Variants in B4GALT2 observed in about 807,000 individuals in gnomAD.
The protein encoded by B4GALT2 is N-acetyllactosamine synthase.
In B4GALT2, 18 loss-of-function variants were observed where a neutral mutation model predicts 33.2. That is an observed-to-expected ratio of 0.54 (90% CI 0.38 to 0.80). The LOEUF (loss-of-function observed/expected upper bound fraction) is 0.80, where lower values mean the gene tolerates loss of function less well. B4GALT2 is among the 30% of genes least tolerant of loss of function. The pLI is 0.00. For synonymous variants in B4GALT2, 214 were observed against 217.6 expected, an observed-to-expected ratio of 0.98 and a Z score of 0.15; for missense variants, 404 against 526.2, an observed-to-expected ratio of 0.77 and a Z score of 2.27.
chr1:43,979,978 G>A lies in B4GALT2; in HGVS notation c.-53+467G>A. ...GGGAGGGTGGGAATGTCTGCACGTGGGTCTGGGTGTGAGCTGTCTGAGAGT... is the reference window on the plus strand; with the variant it reads ...GGGAGGGTGGGAATGTCTGCACGTGAGTCTGGGTGTGAGCTGTCTGAGAGT... On this transcript the variant is annotated intron_variant, in intron 1 of 6. Transcript: ENST00000372324. The surrounding 1 kb of genome is among the most constrained non-coding windows in gnomAD (Gnocchi z 4.8). The A allele has an allele frequency of 6.5e-7, 1 of 1,528,854 alleles. No individual in the cohort carries two copies. Among genetic ancestry groups the A allele is most frequent in the Non-Finnish European group, 8.7e-7 (1 of 1,143,380 alleles). The allele number at this position is 1,528,854 out of a possible 1,614,324, so 94.7% of individuals were successfully genotyped here. A position where few individuals can be genotyped will look rare whatever the true frequency, so the allele number is the denominator to read the frequency against.
intron 6 of B4GALT2, among the ~76,000 whole-genome samples, chr1:43,988,240 G>A (rs2085680998): frequency 6.6e-6 from 1 of 151,912 alleles, no homozygotes; most frequent in Non-Finnish European, 1.5e-5. Context: ...ACCTCACACC[G>A]TGGCTCATGT....
Position 43,984,293 on chromosome 1 carries a change from G to C in B4GALT2, c.550-572G>C, listed in dbSNP as rs754214929. Among the ~76,000 whole-genome samples the C allele has an allele frequency of 6.6e-6, 1 of 152,248 alleles. No individual in the cohort carries two copies. The highest frequency in any genetic ancestry group is 6.5e-5 in the Admixed American group (1 of 15,292). On this transcript the variant is annotated intron_variant, in intron 3 of 6. Transcript: ENST00000372324. The surrounding 1 kb of genome is among the most constrained non-coding windows in gnomAD (Gnocchi z 5.6). ...CTGAGGCTCCTGCATCTTAGACACT[G>C]GTCATTTGGGGCATTCGTTGTTTGT...
At chr1:43,980,788 G>A (rs1222470420) in intron 1 of B4GALT2, among the ~76,000 whole-genome samples, 1 of 152,170 alleles carries the variant, frequency 6.6e-6, no homozygotes, top group Non-Finnish European at 1.5e-5. Context: ...ACGTGTCTGT[G>A]TTCCTGGGAA....
At chr1:43,985,474 C>A in intron 5 of B4GALT2, 43 bp from the exon 6 acceptor site, 3 of 1,596,750 alleles carry the variant, frequency 1.9e-6, no homozygotes, top group South Asian at 1.1e-5. Flanking sequence ...GGGTTCTTTG[C>A]CCTTCCTGGA....
rs1463756711 is a variant in B4GALT2, at chr1:43,979,275, C to T, written c.-289C>T. On this transcript the variant is annotated 5_prime_UTR_variant, in exon 1 of 7. Coordinates refer to ENST00000372324, the MANE Select transcript of B4GALT2 (RefSeq NM_003780.5). This position sits in a 1 kb window ranked among gnomAD's most constrained non-coding sequence, Gnocchi z 4.8. ...GCTGTGGTCCGTGGGTCCGCCGGTCCGTGGGTCTGCCCGGCCGCCCGGCCC... is the reference window on the plus strand; with the variant it reads ...GCTGTGGTCCGTGGGTCCGCCGGTCTGTGGGTCTGCCCGGCCGCCCGGCCC... 2 of 146,370 alleles carry T rather than the reference C, an allele frequency of 1.4e-5. No homozygotes were observed. The highest frequency in any genetic ancestry group is 4.9e-5 in the African/African-American group (2 of 40,702). The allele number at this position is 146,370 out of a possible 1,614,324, so 9.1% of individuals were successfully genotyped here. A position where few individuals can be genotyped will look rare whatever the true frequency, so the allele number is the denominator to read the frequency against.
At chr1:43,985,668 A>G (rs2085651132) in intron 6 of B4GALT2, 47 bp downstream of exon 6, 1 of 1,571,004 alleles carries the variant, frequency 6.4e-7, no homozygotes. Context: ...CAACTTCCCA[A>G]TATCCCCAAC....
In B4GALT2 at chr1:43,979,482, C is replaced by T; in HGVS notation, c.-82C>T. The T allele has an allele frequency of 6.6e-6, 1 of 152,194 alleles. No homozygotes were observed. The highest frequency in any genetic ancestry group is 1.5e-5 in the Non-Finnish European group (1 of 68,014). The allele number at this position is 152,194 out of a possible 1,614,324, so 9.4% of individuals were successfully genotyped here. A position where few individuals can be genotyped will look rare whatever the true frequency, so the allele number is the denominator to read the frequency against. On this transcript the variant is annotated 5_prime_UTR_variant, in exon 1 of 7. Transcript: ENST00000372324. This position sits in a 1 kb window ranked among gnomAD's most constrained non-coding sequence, Gnocchi z 4.8. ...GCCGGGAGCCCTGCCCAAGTCGGAG[C>T]GGCGTCCCCTGCTGAGCCCCGAGCG...
rs1225889559 is a variant in B4GALT2, at chr1:43,981,015, CCCA to C, written c.-52-92_-52-90del. On this transcript the variant is annotated intron_variant, in intron 1 of 6. Coordinates refer to ENST00000372324, the MANE Select transcript of B4GALT2 (RefSeq NM_003780.5). The surrounding 1 kb of genome is among the most constrained non-coding windows in gnomAD (Gnocchi z 8.1). ...ATGAGCAGGTCAGTGTGAGGTGTGG[CCCA>C]CGAGTGTGAGCAGCTGAGTGGGAGG... 13 of 1,429,504 alleles carry C rather than the reference CCCA, an allele frequency of 9.1e-6. No homozygotes were observed. The highest frequency in any genetic ancestry group is 1.0e-5 in the Non-Finnish European group (11 of 1,084,466). The allele number at this position is 1,429,504 out of a possible 1,614,324, so 88.6% of individuals were successfully genotyped here. A position where few individuals can be genotyped will look rare whatever the true frequency, so the allele number is the denominator to read the frequency against.
In B4GALT2 at chr1:43,981,951, G is replaced by C. The variant is rs1422011742; in HGVS notation, c.549+27G>C. 1.2e-6 allele frequency: 2 copies of C among 1,608,212 alleles called. No homozygotes were observed. Among genetic ancestry groups the C allele is most frequent in the East Asian group, 2.2e-5 (1 of 44,826 alleles). On this transcript the variant is annotated intron_variant, in intron 3 of 6. Coordinates refer to ENST00000372324, the MANE Select transcript of B4GALT2 (RefSeq NM_003780.5). The surrounding 1 kb of genome is among the most constrained non-coding windows in gnomAD (Gnocchi z 8.1). ...TGCCCATGCGGGGGTCCATGTGCCT[G>C]TTGGTGTATATATGTGGGTTGGGGG...
intron 3 of B4GALT2, among the ~76,000 whole-genome samples, chr1:43,983,250 C>G (rs1388016655): frequency 6.6e-6 from 1 of 152,158 alleles, no homozygotes; most frequent in Non-Finnish European, 1.5e-5. Flanking sequence ...ACGGTCTGGT[C>G]CCTAAAACCA....
In B4GALT2 at chr1:43,981,094, T is replaced by A. The variant is rs1460417105; in HGVS notation, c.-52-15T>A. 2.6e-6 allele frequency: 4 copies of A among 1,554,132 alleles called. No individual in the cohort carries two copies. The highest frequency in any genetic ancestry group is 3.5e-6 in the Non-Finnish European group (4 of 1,155,278). On this transcript the variant is annotated splice_polypyrimidine_tract_variant and intron_variant, in intron 1 of 6. Coordinates refer to ENST00000372324, the MANE Select transcript of B4GALT2 (RefSeq NM_003780.5). This position sits in a 1 kb window ranked among gnomAD's most constrained non-coding sequence, Gnocchi z 8.1. Reference sequence around the variant, plus strand: ...CCCTGACCTGCTGGATCTGTTTCCCTCCCACCCTGCTCAGGCCAGCAGCCG... The same window carrying A: ...CCCTGACCTGCTGGATCTGTTTCCCACCCACCCTGCTCAGGCCAGCAGCCG...
chr1:43,979,873 C>A lies in B4GALT2; in HGVS notation c.-53+362C>A. 1 of 927,164 alleles carries A rather than the reference C, an allele frequency of 1.1e-6. No homozygotes were observed. Among genetic ancestry groups the A allele is most frequent in the Non-Finnish European group, 1.6e-6 (1 of 623,680 alleles). 57.4% of individuals were successfully genotyped at this position (927,164 alleles called of 1,614,324 possible). A position where few individuals can be genotyped will look rare whatever the true frequency, so the allele number is the denominator to read the frequency against. On this transcript the variant is annotated intron_variant, in intron 1 of 6. Coordinates refer to ENST00000372324, the MANE Select transcript of B4GALT2 (RefSeq NM_003780.5). The surrounding 1 kb of genome is among the most constrained non-coding windows in gnomAD (Gnocchi z 4.8). ...TGTGCGGCCTGCCCGTCCGCGGGTG[C>A]CACGTGTTCAGCCTGCCAGCCCCGC...
At chr1:43,985,126 G>C in intron 4 of B4GALT2, 71 bp downstream of exon 4, 1 of 1,585,750 alleles carries the variant, frequency 6.3e-7, no homozygotes, top group Admixed American at 1.7e-5. Context: ...TCCAGCCCCC[G>C]AGCCCCGCTT....
chr1:43,987,008 G>C (rs1400444059), intron 6 of B4GALT2, among the ~76,000 whole-genome samples: 1 of 152,108 alleles, frequency 6.6e-6, no homozygotes, highest in Non-Finnish European at 1.5e-5. Context: ...CCTGGTGTGG[G>C]GTTGGTGCCT....
In B4GALT2 at chr1:43,985,586, C is replaced by T. The variant is rs369917000; in HGVS notation, c.933C>T (p.His311=). ...TCGGCCGCTACCGCATGATCAAGCA[C>T]GACCGCGACAAGCATAACGAACCTA... is the stretch of plus-strand genomic sequence containing the variant. ...IRIGRYRMIK[H]DRDKHNEPNP... The change falls in exon 6 of 7, where the codon CAC becomes CAT. Residue 311 remains histidine (H), a synonymous_variant. Coordinates refer to ENST00000372324, the MANE Select transcript of B4GALT2 (RefSeq NM_003780.5). 2.4e-5 allele frequency: 39 copies of T among 1,613,816 alleles called. No individual in the cohort carries two copies. Among genetic ancestry groups the T allele is most frequent in the East Asian group, 2.2e-4 (10 of 44,874 alleles).
chr1:43,989,206 C>T (rs953238003), intron 6 of B4GALT2, among the ~76,000 whole-genome samples: 6 of 151,472 alleles, frequency 4.0e-5, no homozygotes, highest in African/African-American at 1.2e-4. Context: ...AATCAGCTGG[C>T]GCAGTGGCAG....
In B4GALT2 at chr1:43,979,681, C is replaced by T. The variant is rs1002605768; in HGVS notation, c.-53+170C>T. ...CCCCACCCCGCCCCCACTCCGGCGC[C>T]CCTCCTGGGCTTCTCCGCCCGCGTC... On this transcript the variant is annotated intron_variant, in intron 1 of 6. Coordinates refer to ENST00000372324, the MANE Select transcript of B4GALT2 (RefSeq NM_003780.5). The surrounding 1 kb of genome is among the most constrained non-coding windows in gnomAD (Gnocchi z 4.8). 66 of 235,628 alleles carry T rather than the reference C, an allele frequency of 2.8e-4. No homozygotes were observed. Among genetic ancestry groups the T allele is most frequent in the Middle Eastern group, 1.4e-3 (1 of 704 alleles). 14.6% of individuals were successfully genotyped at this position (235,628 alleles called of 1,614,324 possible). A position where few individuals can be genotyped will look rare whatever the true frequency, so the allele number is the denominator to read the frequency against.
chr1:43,981,373 C>G lies in B4GALT2; in HGVS notation c.213C>G (p.Asn71Lys). 1 of 1,598,926 alleles carries G rather than the reference C, an allele frequency of 6.3e-7. No individual in the cohort carries two copies. The highest frequency in any genetic ancestry group is 8.5e-7 in the Non-Finnish European group (1 of 1,179,710). The change falls in exon 2 of 7, where the codon AAC (asparagine) becomes AAG (lysine). Residue 71 changes from asparagine to lysine, a missense_variant. By Grantham distance (94) the Asn-to-Lys change is moderately conservative. Coordinates refer to ENST00000372324, the MANE Select transcript of B4GALT2 (RefSeq NM_003780.5). This position sits in a 1 kb window ranked among gnomAD's most constrained non-coding sequence, Gnocchi z 8.1. ...GCAGCAGCAACTGCTCCCGGCCCAACGCCACCGCCTCTAGCTCCGGGCTCC... is the reference window on the plus strand; with the variant it reads ...GCAGCAGCAACTGCTCCCGGCCCAAGGCCACCGCCTCTAGCTCCGGGCTCC... ...SSSSSNCSRP[N>K]ATASSSGLPE...
intron 1 of B4GALT2, chr1:43,980,052 T>G (rs1167944281): frequency 8.0e-6 from 12 of 1,508,928 alleles, no homozygotes; most frequent in Non-Finnish European, 1.1e-5. Context: ...TGTTTGTGAG[T>G]GTGGGACTTA....
Sources: gnomAD v4.1 joint callset for allele counts (sites outside exome capture counted in the v4.1 genomes callset) on GRCh38, gnomAD v4.1.1 for gene constraint, Gnocchi (gnomAD v3.1) non-coding constraint, MANE v1.5 for transcripts, NCBI Gene and HGNC (gene_info 2026-07-23, HGNC 2026-07-21) for gene names.